Variants in ZBTB7A observed in about 807,000 individuals in gnomAD.
ZBTB7A encodes the protein zinc finger and BTB domain-containing protein 7A.
Under a neutral mutation model 26.7 loss-of-function variants are expected in ZBTB7A, and 7 were observed. That is an observed-to-expected ratio of 0.26 (90% CI 0.15 to 0.49). ZBTB7A has a LOEUF of 0.49. ZBTB7A is among the 20% of genes least tolerant of loss of function. ZBTB7A has a pLI of 0.98. For missense variants in ZBTB7A, 617 were observed against 919.5 expected (o/e 0.67, Z 4.25); for synonymous variants, 452 against 441.0 (o/e 1.02, Z -0.31).
rs1414595778 is a variant in ZBTB7A at position 4,044,968 on chromosome 19, CGGGGCTGGGCTGGGG to C, written c.*2769_*2783del. 1 of 57,666 alleles carries C rather than the reference CGGGGCTGGGCTGGGG, an allele frequency of 1.7e-5. No individual in the cohort carries two copies. Among genetic ancestry groups the C allele is most frequent in the African/African-American group, 6.7e-5 (1 of 14,974 alleles). The allele number at this position is 57,666 out of a possible 1,614,324, so 3.6% of individuals were successfully genotyped here. On this transcript the variant is annotated 3_prime_UTR_variant, in exon 3 of 3. Coordinates refer to ENST00000322357, the MANE Select transcript of ZBTB7A (RefSeq NM_015898.4). Reference sequence around the variant, plus strand: ...GTGATTGCGCGGAGTCTGGGGAGGGCGGGGCTGGGCTGGGGGGGTCCCGGCTCTGGGCCCATGCAG... The same window carrying C: ...GTGATTGCGCGGAGTCTGGGGAGGGCGGGTCCCGGCTCTGGGCCCATGCAG...
chr19:4,061,595 A>G (rs1043885909), intron 1 of ZBTB7A: 1 of 152,200 alleles, frequency 6.6e-6, no homozygotes, highest in Non-Finnish European at 1.5e-5. Context: ...TGGGCCAGAC[A>G]TGGAGCAAAC....
Position 4,048,668 on chromosome 19 carries a change from TA to T in ZBTB7A, c.1263-425del, listed in dbSNP as rs199875331. ...CGACACGGTGAAACCCTGTCTCTAC[TA>T]AAAAAACAAAAAACAAAAAAACAAA... On this transcript the variant is annotated intron_variant, in intron 2 of 2. Transcript: ENST00000322357. The surrounding 1 kb of genome is among the most constrained non-coding windows in gnomAD (Gnocchi z 6.7). 0.051 allele frequency among the ~76,000 whole-genome samples: 7,635 copies of T among 148,354 alleles called. 635 individuals carry two copies. Among genetic ancestry groups the T allele is most frequent in the African/African-American group, 0.18 (7,189 of 39,820 alleles).
Position 4,043,671 on chromosome 19 carries a change from C to T in ZBTB7A, c.*4081G>A, listed in dbSNP as rs1411953657. 1.3e-5 allele frequency among the ~76,000 whole-genome samples: 2 copies of T among 150,468 alleles called. No individual in the cohort carries two copies. Among genetic ancestry groups the T allele is most frequent in the Non-Finnish European group, 3.0e-5 (2 of 67,692 alleles). Reference sequence around the variant, plus strand: ...TCCTGGTCCACAGCCTCCAGGCAGCCCCGGCGAGGGATGGGGGTCTCCCTG... The same window carrying T: ...TCCTGGTCCACAGCCTCCAGGCAGCTCCGGCGAGGGATGGGGGTCTCCCTG... On this transcript the variant is annotated 3_prime_UTR_variant, in exon 3 of 3. Transcript: ENST00000322357.
At chr19:4,063,211 TGCAGGCAGCA>T (rs2040657628) in intron 1 of ZBTB7A, among the ~76,000 whole-genome samples, 3 of 152,142 alleles carry the variant, frequency 2.0e-5, no homozygotes, top group Admixed American at 1.3e-4. Context: ...CGGGTGGCTT[TGCAGGCAGCA>T]GCTGGGGGAC....
rs908153307 is a variant in ZBTB7A, at chr19:4,058,566, A to G, written c.-15-3319T>C. Among the ~76,000 whole-genome samples, 8 of 152,076 alleles carry G rather than the reference A, an allele frequency of 5.3e-5. 1 individual carries two copies. Among genetic ancestry groups the G allele is most frequent in the Admixed American group, 5.2e-4 (8 of 15,300 alleles). ...CCCTGGCGGCCCCGAGTCACCCAGC[A>G]CAGCTCACATTCCTCCAGGCCGGCC... On this transcript the variant is annotated intron_variant, in intron 1 of 2. Transcript: ENST00000322357.
At chr19:4,065,053 G>A (rs1284891779) in intron 1 of ZBTB7A, among the ~76,000 whole-genome samples, 1 of 151,664 alleles carries the variant, frequency 6.6e-6, no homozygotes, top group Non-Finnish European at 1.5e-5. Flanking sequence ...GGGGGGCTGG[G>A]TCTCCCGCCC....
At position 4,047,959 on chromosome 19, in the gene ZBTB7A, C is replaced by T; in HGVS notation, c.1548G>A (p.Ala516=). 8.0e-7 allele frequency: 1 copy of T among 1,256,406 alleles called. No individual in the cohort carries two copies. The highest frequency in any genetic ancestry group is 1.0e-6 in the Non-Finnish European group (1 of 988,824). The allele number at this position is 1,256,406 out of a possible 1,614,324, so 77.8% of individuals were successfully genotyped here. A position where few individuals can be genotyped will look rare whatever the true frequency, so the allele number is the denominator to read the frequency against. The change falls in exon 3 of 3, where the codon GCG becomes GCA. Residue 516 remains alanine (A), a synonymous_variant. Coordinates refer to ENST00000322357, the MANE Select transcript of ZBTB7A (RefSeq NM_015898.4). The stretch of plus-strand genomic sequence containing the variant: ...TGGGCTGGGCGGGGGCGCCGGGGGT[C>T]GCGGTGGCCCCCGGGCTGGGGTCGG... ...GAPDPSPGAT[A]TPGAPAQPSS...
At chr19:4,051,926 G>A (rs1181201793) in intron 2 of ZBTB7A, among the ~76,000 whole-genome samples, 1 of 152,092 alleles carries the variant, frequency 6.6e-6, no homozygotes, top group Non-Finnish European at 1.5e-5. Flanking sequence ...TTATAGCCCC[G>A]GCCACCACAG....
intron 1 of ZBTB7A, among the ~76,000 whole-genome samples, chr19:4,059,142 G>C (rs1173552213): frequency 1.3e-5 from 2 of 152,174 alleles, no homozygotes; most frequent in Non-Finnish European, 2.9e-5. Flanking sequence ...AGACGGGCCC[G>C]GGCCCTCCTA....
intron 1 of ZBTB7A, among the ~76,000 whole-genome samples, chr19:4,057,404 G>T: frequency 6.6e-6 from 1 of 152,294 alleles, no homozygotes; most frequent in African/African-American, 2.4e-5. Context: ...GCAGTAGCTC[G>T]AGAGAAGTGC....
intron 1 of ZBTB7A, 193 bp from the exon 2 acceptor site, chr19:4,055,440 G>C (rs948758852): frequency 1.8e-5 from 18 of 985,376 alleles, no homozygotes; most frequent in Middle Eastern, 5.2e-4. Context: ...GCACCAAAGC[G>C]ATACATGCCC....
rs1016145475 is a variant in ZBTB7A at position 4,048,352 on chromosome 19, A to G, written c.1263-108T>C. 7.3e-7 allele frequency: 1 copy of G among 1,372,164 alleles called. No homozygotes were observed. Among genetic ancestry groups the G allele is most frequent in the Non-Finnish European group, 9.4e-7 (1 of 1,061,578 alleles). The allele number at this position is 1,372,164 out of a possible 1,614,324, so 85.0% of individuals were successfully genotyped here. A position where few individuals can be genotyped will look rare whatever the true frequency, so the allele number is the denominator to read the frequency against. The stretch of plus-strand genomic sequence containing the variant: ...GGCCCTGGATCATCACCCTTGCAGA[A>G]CACGGACCGTGCACCAGAGGTTTCG... On this transcript the variant is annotated intron_variant, in intron 2 of 2. Coordinates refer to ENST00000322357, the MANE Select transcript of ZBTB7A (RefSeq NM_015898.4). The surrounding 1 kb of genome is among the most constrained non-coding windows in gnomAD (Gnocchi z 6.7).
intron 2 of ZBTB7A, among the ~76,000 whole-genome samples, chr19:4,049,037 G>A (rs1028274519): frequency 6.7e-6 from 1 of 149,152 alleles, no homozygotes; most frequent in East Asian, 2.0e-4. Flanking sequence ...GGGCAGTGGC[G>A]TGATCACGGT....
intron 1 of ZBTB7A, 71 bp downstream of exon 1, chr19:4,066,611 G>T (rs1302784175): frequency 6.6e-6 from 1 of 151,646 alleles, no homozygotes; most frequent in Non-Finnish European, 1.5e-5. Flanking sequence ...GGGGGCAGCG[G>T]TGGCCGCAGC....
rs1285002033 is a variant in ZBTB7A at position 4,052,287 on chromosome 19, C to A, written c.1262+1684G>T. Among the ~76,000 whole-genome samples the A allele has an allele frequency of 1.4e-4, 22 of 152,182 alleles. No individual in the cohort carries two copies. ...CAGACCCCAGTTCTCTGCACCCCAC[C>A]AAGCTGCTCTTCCTGAGCTCAGAGA... On this transcript the variant is annotated intron_variant, in intron 2 of 2. Transcript: ENST00000322357. This position sits in a 1 kb window ranked among gnomAD's most constrained non-coding sequence, Gnocchi z 4.9.
At chr19:4,050,476 C>T (rs1258630926) in intron 2 of ZBTB7A, among the ~76,000 whole-genome samples, 1 of 152,218 alleles carries the variant, frequency 6.6e-6, no homozygotes, top group Non-Finnish European at 1.5e-5. Flanking sequence ...GCCTGTCTCG[C>T]CCCATGGGGG....
intron 1 of ZBTB7A, among the ~76,000 whole-genome samples, chr19:4,059,107 G>C (rs899204473): frequency 6.6e-6 from 1 of 152,182 alleles, no homozygotes; most frequent in Admixed American, 6.5e-5. Flanking sequence ...CGCGGGGAGC[G>C]TGTGAGCAGA....
chr19:4,047,630 GAT>G lies in ZBTB7A; in HGVS notation c.*120_*121del. 1 of 815,496 alleles carries G rather than the reference GAT, an allele frequency of 1.2e-6. No homozygotes were observed. The highest frequency in any genetic ancestry group is 3.4e-5 in the East Asian group (1 of 29,598). The allele number at this position is 815,496 out of a possible 1,614,324, so 50.5% of individuals were successfully genotyped here. ...ATATATATCTGTATATATATATATA[GAT>G]ATAGATATCTGTATATAGATAGATT... On this transcript the variant is annotated 3_prime_UTR_variant, in exon 3 of 3. Transcript: ENST00000322357.
chr19:4,046,122 C>T lies in ZBTB7A; in HGVS notation c.*1630G>A. 1 of 398,744 alleles carries T rather than the reference C, an allele frequency of 2.5e-6. No homozygotes were observed. The highest frequency in any genetic ancestry group is 4.4e-6 in the Non-Finnish European group (1 of 226,010). The allele number at this position is 398,744 out of a possible 1,614,324, so 24.7% of individuals were successfully genotyped here. On this transcript the variant is annotated 3_prime_UTR_variant, in exon 3 of 3. Transcript: ENST00000322357. ...GAAGGAGAGACCCCGTGGACAGAAG[C>T]GGGCGCTAAGACCTCTTCACGTCAG...
Sources: gnomAD v4.1 joint callset for allele counts (sites outside exome capture counted in the v4.1 genomes callset) on GRCh38, gnomAD v4.1.1 for gene constraint, Gnocchi (gnomAD v3.1) non-coding constraint, MANE v1.5 for transcripts, NCBI Gene and HGNC (gene_info 2026-07-23, HGNC 2026-07-21) for gene names.